SLC2A14: variants seen among roughly 807,000 people sequenced by gnomAD.
SLC2A14 encodes the protein solute carrier family 2 member 14.
A neutral mutation model predicts 43.0 loss-of-function variants in SLC2A14; 13 were observed. That is an observed-to-expected ratio of 0.30 (90% CI 0.20 to 0.48). The LOEUF (loss-of-function observed/expected upper bound fraction) is 0.48. SLC2A14 is among the 20% of genes least tolerant of loss of function. The probability of loss-of-function intolerance (pLI) is 0.99; values close to 1 mark genes in which losing one functional copy is unlikely to be tolerated. For synonymous variants in SLC2A14, 190 were observed against 233.8 expected (o/e 0.81, Z 1.71); for missense variants, 428 against 620.4 (o/e 0.69, Z 3.29).
intron 1 of SLC2A14, among the ~76,000 whole-genome samples, chr12:7,882,168 C>A (rs7979608): frequency 6.6e-6 from 1 of 151,790 alleles, no homozygotes; most frequent in Non-Finnish European, 1.5e-5. Context: ...TGAGCTGTAA[C>A]ACTCACCGTG....
intron 2 of SLC2A14, among the ~76,000 whole-genome samples, chr12:7,863,698 T>C (rs1406194305): frequency 6.6e-6 from 1 of 152,074 alleles, no homozygotes; most frequent in Non-Finnish European, 1.5e-5. Context: ...ATGACAAACA[T>C]ACTGTTTATG....
At chr12:7,818,938 C>T (rs943222807) in intron 9 of SLC2A14, among the ~76,000 whole-genome samples, 2 of 152,092 alleles carry the variant, frequency 1.3e-5, no homozygotes, top group Non-Finnish European at 1.5e-5. Flanking sequence ...TTAAATTAGG[C>T]AGGGCACAGT....
At position 7,831,658 on chromosome 12, in the gene SLC2A14, A is replaced by C. The variant is rs1865036896; in HGVS notation, c.218T>G (p.Val73Gly). 6.2e-7 allele frequency: 1 copy of C among 1,614,186 alleles called. No homozygotes were observed. The highest frequency in any genetic ancestry group is 1.1e-5 in the South Asian group (1 of 91,082). Residue 73 changes from valine to glycine, a missense_variant, in exon 4 of 11, where the codon GTC becomes GGC. Val to Gly is a moderately radical substitution (Grantham distance 109). This residue lies in a region of SLC2A14 where 122 missense variants were observed against 128.8 expected (regional missense o/e 0.95). Coordinates refer to ENST00000431042, the MANE Select transcript of SLC2A14 (RefSeq NM_001286234.2). ...GGAAAAGGAGCCGATCATACCCCCG[A>C]CGGAAAATATGGCCACAGACAAGGA... ...LWSLSVAIFS[V>G]GGMIGSFSVG...
chr12:7,821,213 C>A lies in SLC2A14; in HGVS notation c.969+8G>T. 6.2e-7 allele frequency: 1 copy of A among 1,607,832 alleles called. No individual in the cohort carries two copies. Among genetic ancestry groups the A allele is most frequent in the South Asian group, 1.1e-5 (1 of 90,632 alleles). ...CTCCCCCCAAAATTATCAAACCATC[C>A]AACTTACAGAAAGTAAAGTGAAGAT... On this transcript the variant is annotated splice_region_variant and intron_variant, in intron 8 of 10. Coordinates refer to ENST00000431042, the MANE Select transcript of SLC2A14 (RefSeq NM_001286234.2).
chr12:7,825,506 G>A (rs1864276264), intron 7 of SLC2A14, among the ~76,000 whole-genome samples: 1 of 147,986 alleles, frequency 6.8e-6, no homozygotes, highest in Non-Finnish European at 1.5e-5. Flanking sequence ...GCTCATGCCT[G>A]TAATCCCAGC....
intron 3 of SLC2A14, 96 bp from the exon 4 acceptor site, chr12:7,831,860 G>A (rs905885068): frequency 1.1e-5 from 17 of 1,499,438 alleles, no homozygotes; most frequent in Non-Finnish European, 1.4e-5. Flanking sequence ...TGTAATCCCA[G>A]CACTTTGGAA....
chr12:7,863,298 C>T, intron 2 of SLC2A14: 2 of 435,260 alleles, frequency 4.6e-6, no homozygotes, highest in Non-Finnish European at 9.2e-6. Context: ...AGAAGGAAAA[C>T]ACTCCGAACG....
Position 7,819,573 on chromosome 12 carries a change from A to G in SLC2A14, c.980T>C (p.Val327Ala), listed in dbSNP as rs774030216. 1.3e-6 allele frequency: 2 copies of G among 1,599,618 alleles called. No homozygotes were observed. Among genetic ancestry groups the G allele is most frequent in the Non-Finnish European group, 1.7e-6 (2 of 1,174,904 alleles). The part of the protein sequence containing the change: ...TIFTLLSLFL[V>A]ERAGRRTLHM... ...CAGAGTCCTTCTTCCTGCCCTTTCC[A>G]CCAGAAATAGCTGGAAGAAGAATAT... is the stretch of plus-strand genomic sequence containing the variant. The change falls in exon 9 of 11, where the codon GTG becomes GCG. Residue 327 changes from valine (V) to alanine (A), a missense_variant. Around this residue, in one of 4 missense-constraint regions of SLC2A14, gnomAD observed 185 missense variants for 275.4 expected, o/e 0.67. Transcript: ENST00000431042.
intron 9 of SLC2A14, 101 bp from the exon 10 acceptor site, chr12:7,818,135 T>A (rs558796761): frequency 1.9e-6 from 2 of 1,044,560 alleles, no homozygotes; most frequent in Non-Finnish European, 2.8e-6. Flanking sequence ...TGTCCTGACG[T>A]ACAATACAAA....
chr12:7,861,652 G>A (rs1289995940), intron 2 of SLC2A14, among the ~76,000 whole-genome samples: 1 of 151,898 alleles, frequency 6.6e-6, no homozygotes, highest in African/African-American at 2.4e-5. Context: ...ATACATAAAA[G>A]CTTTGTAAAC....
chr12:7,845,639 C>A (rs35242097), intron 2 of SLC2A14, among the ~76,000 whole-genome samples: 13,578 of 151,560 alleles, frequency 0.09, 659 homozygotes, highest in African/African-American at 0.12. Context: ...ATTAGCCGGG[C>A]GTGGTGGCAG....
intron 2 of SLC2A14, among the ~76,000 whole-genome samples, chr12:7,855,001 G>C (rs10846057): frequency 0.37 from 55,447 of 151,436 alleles, 10,590 homozygotes; most frequent in Admixed American, 0.51. Flanking sequence ...GTAGAAACAG[G>C]GTTTCACCAT....
chr12:7,845,953 C>G (rs1866432879), intron 2 of SLC2A14, among the ~76,000 whole-genome samples: 1 of 151,428 alleles, frequency 6.6e-6, no homozygotes, highest in African/African-American at 2.4e-5. Context: ...ATTAGCTGGG[C>G]GTGGTGGTGC....
chr12:7,879,306 T>C (rs1945523165), intron 1 of SLC2A14, among the ~76,000 whole-genome samples: 1 of 19,750 alleles, frequency 5.1e-5, no homozygotes. Context: ...AGACCTCAAC[T>C]CTGCAAAAAA....
chr12:7,866,891 G>A (rs1944941733), intron 2 of SLC2A14, among the ~76,000 whole-genome samples: 1 of 151,676 alleles, frequency 6.6e-6, no homozygotes, highest in African/African-American at 2.4e-5. Flanking sequence ...CAGATTTTCA[G>A]TGTAGATGAA....
chr12:7,863,276 C>A, intron 2 of SLC2A14: 1 of 415,462 alleles, frequency 2.4e-6, no homozygotes, highest in Non-Finnish European at 4.8e-6. Context: ...CCAGCAAGAC[C>A]ACGAACCCAC....
At chr12:7,890,227 C>G (rs1417168386) in intron 1 of SLC2A14, among the ~76,000 whole-genome samples, 2 of 152,054 alleles carry the variant, frequency 1.3e-5, no homozygotes, top group Non-Finnish European at 1.5e-5. Flanking sequence ...TAGTAATCTG[C>G]TCACTAAGTG....
At chr12:7,885,561 T>TTG in intron 1 of SLC2A14, among the ~76,000 whole-genome samples, 1 of 152,036 alleles carries the variant, frequency 6.6e-6, no homozygotes, top group Middle Eastern at 3.4e-3. Flanking sequence ...TAAGTTTTTT[T>TTG]TTTTTCATGC....
chr12:7,817,830 C>T lies in SLC2A14; in HGVS notation c.1275+1G>A, dbSNP rs1490208196. On this transcript the variant is annotated splice_donor_variant, in intron 10 of 10. Transcript: ENST00000431042. LOFTEE classifies it high-confidence loss of function. The stretch of plus-strand genomic sequence containing the variant: ...TACATAGATAAGGTGAGTTTACTTA[C>T]AGCAGCAGAGGGGAAGAGCAATCCG... 1.9e-6 allele frequency: 3 copies of T among 1,611,936 alleles called. No homozygotes were observed. The highest frequency in any genetic ancestry group is 2.5e-6 in the Non-Finnish European group (3 of 1,179,080).
Sources: gnomAD v4.1 joint callset for allele counts (sites outside exome capture counted in the v4.1 genomes callset) on GRCh38, gnomAD v4.1.1 for gene constraint, gnomAD v4.1.1 regional missense constraint, MANE v1.5 for transcripts, NCBI Gene and HGNC (gene_info 2026-07-23, HGNC 2026-07-21) for gene names.